The following CADM1 variants were observed in gnomAD, a reference collection of about 807,000 sequenced individuals.
CADM1 encodes cell adhesion molecule 1, also known as TSLC-1.
Under a neutral mutation model 53.1 loss-of-function variants are expected in CADM1, and 15 were observed. The observed-to-expected ratio is 0.28, with a 90% CI of 0.19 to 0.44. The LOEUF is 0.44. CADM1 is among the 20% of genes least tolerant of loss of function. The pLI is 1.00. For synonymous variants in CADM1, 281 were observed against 243.0 expected (o/e 1.16, Z -1.45); for missense variants, 434 against 611.3 (o/e 0.71, Z 3.06).
intron 1 of CADM1, among the ~76,000 whole-genome samples, chr11:115,320,415 C>T (rs992299144): frequency 1.3e-5 from 2 of 151,916 alleles, no homozygotes; most frequent in Non-Finnish European, 2.9e-5. Context: ...AAATGAAATA[C>T]CAATGATTTT....
At chr11:115,342,399 T>G (rs1289471685) in intron 1 of CADM1, among the ~76,000 whole-genome samples, 3 of 152,138 alleles carry the variant, frequency 2.0e-5, no homozygotes, top group African/African-American at 7.2e-5. Context: ...ATTGCCTGTG[T>G]CCTGAAGGAG....
Position 115,258,470 on chromosome 11 carries a change from A to C in CADM1, c.125-18050T>G, listed in dbSNP as rs12288116. ...AAGGCTCAATGAAAGGCCTGTGAAC[A>C]GGTCAAAGAGGGAACTCCGAGATGC... On this transcript the variant is annotated intron_variant, in intron 1 of 11. Coordinates refer to ENST00000331581, the MANE Select transcript of CADM1 (RefSeq NM_001301043.2). 4.9e-3 allele frequency among the ~76,000 whole-genome samples: 741 copies of C among 152,346 alleles called. 8 individuals carry two copies. Among genetic ancestry groups the C allele is most frequent in the African/African-American group, 0.017 (714 of 41,590 alleles).
chr11:115,382,563 A>G (rs531627469), intron 1 of CADM1, among the ~76,000 whole-genome samples: 13 of 152,274 alleles, frequency 8.5e-5, no homozygotes, highest in South Asian at 2.1e-4. Flanking sequence ...GAGTTTAACA[A>G]TTGTCATGCT....
chr11:115,208,972 A>T (rs531107688), intron 8 of CADM1, among the ~76,000 whole-genome samples: 1 of 152,136 alleles, frequency 6.6e-6, no homozygotes, highest in East Asian at 1.9e-4. Flanking sequence ...TGCCTCTTCC[A>T]CTCTTCCAAT....
chr11:115,258,033 T>C (rs1203320098), intron 1 of CADM1, among the ~76,000 whole-genome samples: 2 of 152,220 alleles, frequency 1.3e-5, no homozygotes, highest in Non-Finnish European at 2.9e-5. Flanking sequence ...AGTATTTGCC[T>C]ATTTTATAGA....
At chr11:115,488,556 A>ATATT (rs1949427381) in intron 1 of CADM1, among the ~76,000 whole-genome samples, 1 of 152,192 alleles carries the variant, frequency 6.6e-6, no homozygotes, top group Non-Finnish European at 1.5e-5. Context: ...GAGTGGTTCC[A>ATATT]CCTCTATATT....
At chr11:115,440,432 C>G (rs992527658) in intron 1 of CADM1, among the ~76,000 whole-genome samples, 1 of 152,214 alleles carries the variant, frequency 6.6e-6, no homozygotes, top group African/African-American at 2.4e-5. Flanking sequence ...CTAAATACTT[C>G]CGGAAATATT....
rs1484846562 is a variant in CADM1 at position 115,169,550 on chromosome 11, A to G, written c.*6924T>C. On this transcript the variant is annotated 3_prime_UTR_variant, in exon 12 of 12. Transcript: ENST00000331581. ...TTCCCTTCCTTGTCCAAACGATAAA[A>G]GATTCATGTTCCTAATTGCAACACT... 1 of 454,712 alleles carries G rather than the reference A, an allele frequency of 2.2e-6. No individual in the cohort carries two copies. Among genetic ancestry groups the G allele is most frequent in the Non-Finnish European group, 4.4e-6 (1 of 226,476 alleles). 28.2% of individuals were successfully genotyped at this position (454,712 alleles called of 1,614,324 possible). A position where few individuals can be genotyped will look rare whatever the true frequency, so the allele number is the denominator to read the frequency against.
At chr11:115,436,507 ATGAACTGTGATTC>A (rs2135310676) in intron 1 of CADM1, among the ~76,000 whole-genome samples, 1 of 152,256 alleles carries the variant, frequency 6.6e-6, no homozygotes, top group South Asian at 2.1e-4. Flanking sequence ...TTCCCTTGTC[ATGAACTGTGATTC>A]TTTTGTACGA....
intron 1 of CADM1, among the ~76,000 whole-genome samples, chr11:115,501,058 TC>T (rs947918350): frequency 6.6e-6 from 1 of 152,118 alleles, no homozygotes; most frequent in Non-Finnish European, 1.5e-5. Context: ...GCTCTTTTAT[TC>T]CCCCCCTTTT....
chr11:115,396,770 TCAAA>T (rs1565405203), intron 1 of CADM1: 1 of 151,920 alleles, frequency 6.6e-6, no homozygotes, highest in East Asian at 1.9e-4. Context: ...AGGCTATAAT[TCAAA>T]CAAATCTCTG....
At chr11:115,470,856 T>A (rs1192570979) in intron 1 of CADM1, among the ~76,000 whole-genome samples, 1 of 152,188 alleles carries the variant, frequency 6.6e-6, no homozygotes, top group Non-Finnish European at 1.5e-5. Context: ...TTATCCCAAT[T>A]TTTTATCAGG....
At chr11:115,480,308 T>C (rs1367173533) in intron 1 of CADM1, among the ~76,000 whole-genome samples, 2 of 152,182 alleles carry the variant, frequency 1.3e-5, no homozygotes, top group Non-Finnish European at 2.9e-5. Flanking sequence ...AGAGCATTTA[T>C]AATGAGTGGG....
chr11:115,432,137 G>T (rs12281215), intron 1 of CADM1, among the ~76,000 whole-genome samples: 3,366 of 151,956 alleles, frequency 0.022, 130 homozygotes, highest in African/African-American at 0.077. Context: ...AGTAGAGATG[G>T]GGTTTCACCA....
chr11:115,214,731 C>T lies in CADM1; in HGVS notation c.871G>A (p.Ala291Thr), dbSNP rs779875593. 17 of 1,613,898 alleles carry T rather than the reference C, an allele frequency of 1.1e-5. No individual in the cohort carries two copies. Among genetic ancestry groups the T allele is most frequent in the East Asian group, 2.2e-5 (1 of 44,866 alleles). Residue 291 changes from alanine to threonine, a missense_variant, in exon 7 of 12, where the codon GCC (alanine) becomes ACC (threonine). Ala to Thr is a moderately conservative substitution (Grantham distance 58). Coordinates refer to ENST00000331581, the MANE Select transcript of CADM1 (RefSeq NM_001301043.2). ...AACAGGTTGGGCCCAGACAGTACGG[C>T]GTGTTGAGGCATTTCATCATCGACT... is the stretch of plus-strand genomic sequence containing the variant. ...VRVDDEMPQHAVLSGPNLFIN... is the reference protein window; with the variant it reads ...VRVDDEMPQHTVLSGPNLFIN...
chr11:115,327,071 T>C (rs1944976557), intron 1 of CADM1, among the ~76,000 whole-genome samples: 1 of 152,196 alleles, frequency 6.6e-6, no homozygotes, highest in South Asian at 2.1e-4. Flanking sequence ...TATAAAAACA[T>C]ACATACTATT....
intron 8 of CADM1, among the ~76,000 whole-genome samples, chr11:115,202,112 T>A (rs1940458292): frequency 6.6e-6 from 1 of 151,924 alleles, no homozygotes; most frequent in Non-Finnish European, 1.5e-5. Flanking sequence ...ACATTTATTG[T>A]GGCAGTATAT....
intron 1 of CADM1, among the ~76,000 whole-genome samples, chr11:115,265,422 G>A (rs1454236143): frequency 6.6e-6 from 1 of 152,012 alleles, no homozygotes; most frequent in Non-Finnish European, 1.5e-5. Flanking sequence ...GGGAACCTTG[G>A]GCAGTGCATT....
intron 1 of CADM1, among the ~76,000 whole-genome samples, chr11:115,403,531 T>C (rs1189409380): frequency 6.6e-6 from 1 of 152,130 alleles, no homozygotes; most frequent in Non-Finnish European, 1.5e-5. Context: ...TCTATGGGAA[T>C]TTTTGGCATT....
Sources: allele counts gnomAD v4.1 joint callset (sites outside exome capture counted in the v4.1 genomes callset), GRCh38; gene constraint gnomAD v4.1.1; transcripts MANE v1.5; gene names NCBI Gene and HGNC (gene_info 2026-07-23, HGNC 2026-07-21).